Variants in SNTG1 observed in about 807,000 individuals in gnomAD.
SNTG1 encodes syntrophin gamma 1, also known as gamma-1-syntrophin.
Under a neutral mutation model 74.7 loss-of-function variants are expected in SNTG1, and 39 were observed. The observed-to-expected ratio is 0.52, with a 90% CI of 0.40 to 0.68. The LOEUF (loss-of-function observed/expected upper bound fraction) is 0.68, where lower values mean the gene tolerates loss of function less well. Ranked by LOEUF, SNTG1 falls within the 30% of genes least tolerant of loss-of-function variation. The pLI, the probability that SNTG1 is intolerant of heterozygous loss-of-function variation, is 0.00. For synonymous variants in SNTG1, 254 were observed against 217.1 expected (o/e 1.17, Z -1.49); for missense variants, 685 against 609.5 (o/e 1.12, Z -1.30).
chr8:50,254,706 C>T (rs180671491), intron 2 of SNTG1, among the ~76,000 whole-genome samples: 2 of 151,792 alleles, frequency 1.3e-5, no homozygotes, highest in Admixed American at 1.3e-4. Context: ...ATTAGCCGGG[C>T]GTGGTGATGC....
chr8:50,509,569 G>C (rs1250317057), intron 9 of SNTG1, among the ~76,000 whole-genome samples: 1 of 152,106 alleles, frequency 6.6e-6, no homozygotes, highest in Non-Finnish European at 1.5e-5. Context: ...TCTTCCATTT[G>C]TTTGTATCCT....
At chr8:49,935,357 T>C (rs907754739) in intron 1 of SNTG1, among the ~76,000 whole-genome samples, 64 of 150,060 alleles carry the variant, frequency 4.3e-4, no homozygotes, top group African/African-American at 1.5e-3. Context: ...TCCCATACTA[T>C]TTCACTCACA....
rs900868397 is a variant in SNTG1 at position 49,990,558 on chromosome 8, T to C, written c.-103+78327T>C. On this transcript the variant is annotated intron_variant, in intron 1 of 18. Transcript: ENST00000642720. ...TTACAAAACTACATAAAATACATAA[T>C]GTATTACAAAACTACAAAAATCAAA... 3.9e-5 allele frequency among the ~76,000 whole-genome samples: 6 copies of C among 152,226 alleles called. No individual in the cohort carries two copies. The South Asian group carries it at 8.3e-4, about 21-fold the overall frequency.
chr8:50,137,459 C>A (rs532440457), intron 1 of SNTG1, among the ~76,000 whole-genome samples: 50 of 152,120 alleles, frequency 3.3e-4, no homozygotes, highest in Non-Finnish European at 3.5e-4. Context: ...GTGTGGGAAC[C>A]TGGCAGCAAA....
intron 1 of SNTG1, among the ~76,000 whole-genome samples, chr8:50,008,151 A>C (rs111255122): frequency 2.0e-5 from 3 of 151,668 alleles, no homozygotes; most frequent in Non-Finnish European, 2.9e-5. Context: ...ATGGAAAAAA[A>C]CCCACATGTT....
intron 4 of SNTG1, among the ~76,000 whole-genome samples, chr8:50,408,722 T>C (rs1405719564): frequency 3.3e-5 from 5 of 152,150 alleles, no homozygotes; most frequent in Admixed American, 1.3e-4. Flanking sequence ...GGCAGATGGG[T>C]CAAAACCCAG....
intron 8 of SNTG1, among the ~76,000 whole-genome samples, chr8:50,470,811 C>G (rs1379273609): frequency 6.6e-6 from 1 of 152,096 alleles, no homozygotes; most frequent in Admixed American, 6.5e-5. Context: ...ACAAAGCTTC[C>G]ACAGAATAGA....
chr8:49,983,720 C>T (rs1404805988), intron 1 of SNTG1, among the ~76,000 whole-genome samples: 2 of 152,218 alleles, frequency 1.3e-5, no homozygotes, highest in African/African-American at 4.8e-5. Flanking sequence ...ATGGTGCTGT[C>T]TACTTCACTG....
chr8:50,397,385 A>G (rs923395799), intron 3 of SNTG1, among the ~76,000 whole-genome samples: 1 of 152,224 alleles, frequency 6.6e-6, no homozygotes, highest in Non-Finnish European at 1.5e-5. Flanking sequence ...ACAGATCTGT[A>G]AAGACTTTGC....
intron 1 of SNTG1, chr8:50,163,787 ATT>A (rs144699700): frequency 6.6e-6 from 1 of 152,066 alleles, no homozygotes; most frequent in Non-Finnish European, 1.5e-5. Flanking sequence ...CGGCCCATGA[ATT>A]TTTTTAGTAA....
chr8:50,173,014 G>T (rs761766073), intron 2 of SNTG1, among the ~76,000 whole-genome samples: 5 of 80,040 alleles, frequency 6.2e-5, no homozygotes, highest in Non-Finnish European at 1.2e-4. Flanking sequence ...TCATGAAGAT[G>T]GTAACTGGAG....
chr8:50,709,507 G>A (rs2095455600), intron 17 of SNTG1, among the ~76,000 whole-genome samples: 1 of 152,076 alleles, frequency 6.6e-6, no homozygotes, highest in Non-Finnish European at 1.5e-5. Context: ...ACTATGAGGT[G>A]CTCTTTTCCC....
At chr8:50,316,153 A>G (rs2090311178) in intron 2 of SNTG1, among the ~76,000 whole-genome samples, 2 of 152,146 alleles carry the variant, frequency 1.3e-5, no homozygotes, top group African/African-American at 2.4e-5. Flanking sequence ...TCAATTCAAA[A>G]CATTTAAAAA....
intron 1 of SNTG1, among the ~76,000 whole-genome samples, chr8:50,128,854 A>G (rs990062740): frequency 1.3e-5 from 2 of 152,130 alleles, no homozygotes; most frequent in African/African-American, 2.4e-5. Context: ...TGAACTTTAT[A>G]TCAATATATA....
intron 2 of SNTG1, among the ~76,000 whole-genome samples, chr8:50,276,202 A>G (rs1364373380): frequency 1.3e-5 from 2 of 152,064 alleles, no homozygotes; most frequent in Admixed American, 1.3e-4. Flanking sequence ...GTTAATTGGT[A>G]GATGATGGAA....
chr8:50,707,551 G>T (rs1307272632), intron 16 of SNTG1, among the ~76,000 whole-genome samples: 2 of 151,950 alleles, frequency 1.3e-5, no homozygotes, highest in Admixed American at 1.3e-4. Flanking sequence ...TGTAATTTTT[G>T]GTGAAGGCAA....
intron 1 of SNTG1, among the ~76,000 whole-genome samples, chr8:50,113,028 A>G (rs2080663643): frequency 6.6e-6 from 1 of 152,152 alleles, no homozygotes; most frequent in Non-Finnish European, 1.5e-5. Flanking sequence ...AGGTAGCATG[A>G]TGCCTCCAGC....
At chr8:50,447,278 C>T (rs1170366127) in intron 5 of SNTG1, among the ~76,000 whole-genome samples, 1 of 152,112 alleles carries the variant, frequency 6.6e-6, no homozygotes, top group East Asian at 1.9e-4. Flanking sequence ...AAAATGGGTT[C>T]AGTAGCAGAA....
At chr8:50,490,428 C>A (rs1424232816) in intron 8 of SNTG1, among the ~76,000 whole-genome samples, 2 of 152,046 alleles carry the variant, frequency 1.3e-5, no homozygotes, top group Admixed American at 1.3e-4. Context: ...CCATTTGTGT[C>A]CTCTCTTATT....
Sources: allele counts gnomAD v4.1 joint callset (sites outside exome capture counted in the v4.1 genomes callset), GRCh38; gene constraint gnomAD v4.1.1; transcripts MANE v1.5; gene names NCBI Gene and HGNC (gene_info 2026-07-23, HGNC 2026-07-21).